The following PITRM1 variants were observed in gnomAD, a reference collection of about 807,000 sequenced individuals.
The protein encoded by PITRM1 is pitrilysin metallopeptidase 1.
In PITRM1, 100 loss-of-function variants were observed where a neutral mutation model predicts 129.9. The observed-to-expected ratio is 0.77, with a 90% CI of 0.65 to 0.91. The LOEUF is 0.91. PITRM1 is among the 40% of genes least tolerant of loss of function. The pLI is 0.00. For missense variants in PITRM1, 1,471 were observed against 1,318.3 expected (o/e 1.12, Z -1.79); for synonymous variants, 591 against 508.8 (o/e 1.16, Z -2.17).
chr10:3,171,808 G>C (rs576561420), intron 1 of PITRM1, among the ~76,000 whole-genome samples: 1 of 152,196 alleles, frequency 6.6e-6, no homozygotes, highest in South Asian at 2.1e-4. Context: ...GAGAGGCTGA[G>C]GAGGGGGATC....
intron 23 of PITRM1, chr10:3,141,387 G>C (rs755122642): frequency 2.0e-5 from 4 of 203,070 alleles, no homozygotes; most frequent in Non-Finnish European, 4.1e-5. Context: ...TTAAAATCTC[G>C]TGAAGTAGAA....
At chr10:3,148,611 A>T (rs987774081) in intron 16 of PITRM1, 1 of 263,950 alleles carries the variant, frequency 3.8e-6, no homozygotes, top group Non-Finnish European at 7.3e-6. Context: ...CTCTTCAATA[A>T]ATGTTTTATG....
rs773350593 is a variant in PITRM1 at position 3,166,980 on chromosome 10, G to A, written c.222C>T (p.Ala74=). 27 of 1,611,578 alleles carry A rather than the reference G, an allele frequency of 1.7e-5. No homozygotes were observed. The highest frequency in any genetic ancestry group is 2.3e-5 in the Non-Finnish European group (27 of 1,178,714). Residue 74 remains alanine (A), a synonymous_variant, in exon 3 of 27, where the codon GCC becomes GCT. Transcript: ENST00000224949. ...AVKLTHDDTG[A]RYLHLAREDT... is the part of the protein sequence containing the mutation. Reference sequence around the variant, plus strand: ...CTTCTCTGGCCAGGTGTAAATACCTGGCTCCTGTGTCATCATGGGTGAGCT... The same window carrying A: ...CTTCTCTGGCCAGGTGTAAATACCTAGCTCCTGTGTCATCATGGGTGAGCT...
chr10:3,149,566 T>C (rs1841285078), intron 16 of PITRM1, 55 bp downstream of exon 16: 1 of 1,482,980 alleles, frequency 6.7e-7, no homozygotes, highest in Admixed American at 2.5e-5. Context: ...AGAATACAGA[T>C]ATGCACACAA....
At position 3,167,055 on chromosome 10, in the gene PITRM1, GA is replaced by G; in HGVS notation, c.160-14del. ...GAACAGATGTCACCTGAGTTAACAA[GA>G]AAAACACGACCAGTTAAACTTAGAC... On this transcript the variant is annotated splice_polypyrimidine_tract_variant and intron_variant, in intron 2 of 26. Coordinates refer to ENST00000224949, the MANE Select transcript of PITRM1 (RefSeq NM_014889.4). The G allele has an allele frequency of 2.0e-6, 3 of 1,513,654 alleles. No homozygotes were observed. The highest frequency in any genetic ancestry group is 2.7e-6 in the Non-Finnish European group (3 of 1,102,740). The allele number at this position is 1,513,654 out of a possible 1,614,324, so 93.8% of individuals were successfully genotyped here. A position where few individuals can be genotyped will look rare whatever the true frequency, so the allele number is the denominator to read the frequency against.
chr10:3,138,410 C>CCTCCGGGACAT, intron 25 of PITRM1, 73 bp from the exon 26 acceptor site: 3 of 966,304 alleles, frequency 3.1e-6, no homozygotes, highest in Non-Finnish European at 5.0e-6. Flanking sequence ...ACTCATGTCC[C>CCTCCGGGACAT]GGAGGGGACA....
intron 2 of PITRM1, chr10:3,168,101 C>G (rs555166442): frequency 6.6e-6 from 1 of 152,282 alleles, no homozygotes; most frequent in African/African-American, 2.4e-5. Flanking sequence ...CTCACCACCC[C>G]CTCCTGCCAG....
Position 3,148,447 on chromosome 10 carries a change from C to T in PITRM1, c.1872-156G>A, listed in dbSNP as rs1211471125. 4 of 892,420 alleles carry T rather than the reference C, an allele frequency of 4.5e-6. No homozygotes were observed. The South Asian group carries it at 5.9e-5, about 13-fold the overall frequency. 55.3% of individuals were successfully genotyped at this position (892,420 alleles called of 1,614,324 possible). On this transcript the variant is annotated intron_variant, in intron 16 of 26. Transcript: ENST00000224949. ...TTCGAAGGTCATAAGCAGGTGCACT[C>T]TGGCCTTCGCCCTCGAGAGTTCATG...
chr10:3,145,584 A>AC lies in PITRM1; in HGVS notation c.2457+11dup, dbSNP rs756703476. 2 of 1,548,788 alleles carry AC rather than the reference A, an allele frequency of 1.3e-6. No individual in the cohort carries two copies. The highest frequency in any genetic ancestry group is 2.4e-5 in the South Asian group (2 of 83,900). ...CAGGCGCTCACCGGGCGCCAGCACC[A>AC]CCAGTGCATACCTCGACCGTGTGTG... On this transcript the variant is annotated intron_variant, in intron 21 of 26. Transcript: ENST00000224949.
At chr10:3,172,290 G>A (rs569486336) in intron 1 of PITRM1, 23 of 481,804 alleles carry the variant, frequency 4.8e-5, no homozygotes, top group East Asian at 1.2e-4. Flanking sequence ...ATTCCGGGAG[G>A]CGTCAGTTCT....
chr10:3,139,121 T>G, intron 24 of PITRM1, 72 bp from the exon 25 acceptor site: 1 of 1,351,096 alleles, frequency 7.4e-7, no homozygotes, highest in South Asian at 1.2e-5. Flanking sequence ...CTCTGTCGAC[T>G]TAACAGTTCA....
intron 14 of PITRM1, among the ~76,000 whole-genome samples, chr10:3,154,821 C>A (rs1841833380): frequency 6.6e-6 from 1 of 152,148 alleles, no homozygotes; most frequent in Admixed American, 6.5e-5. Flanking sequence ...GGCCTCCTCC[C>A]TTCCTTCGTT....
chr10:3,172,548 G>A (rs1843477040), intron 1 of PITRM1, among the ~76,000 whole-genome samples, 169 bp downstream of exon 1: 1 of 152,148 alleles, frequency 6.6e-6, no homozygotes, highest in African/African-American at 2.4e-5. Flanking sequence ...TCCGGCCTCG[G>A]AGCCTCGGAT....
chr10:3,150,130 C>A (rs1429328796), intron 15 of PITRM1, among the ~76,000 whole-genome samples: 3 of 152,060 alleles, frequency 2.0e-5, no homozygotes, highest in Non-Finnish European at 2.9e-5. Context: ...GCCCTGCCAC[C>A]CTCTGGCCCC....
intron 2 of PITRM1, among the ~76,000 whole-genome samples, chr10:3,167,281 G>A (rs1320078345): frequency 1.3e-5 from 1 of 74,118 alleles, no homozygotes; most frequent in Non-Finnish European, 2.9e-5. Flanking sequence ...TAGAAAGAGA[G>A]AGAGAGCGAG....
chr10:3,137,975 A>G lies in PITRM1; in HGVS notation c.*56T>C. ...AGCAGTAGCATTTCTGACTTTTCATATTCAGCTCGGAGGTGTATTGTCTCG... is the reference window on the plus strand; with the variant it reads ...AGCAGTAGCATTTCTGACTTTTCATGTTCAGCTCGGAGGTGTATTGTCTCG... On this transcript the variant is annotated 3_prime_UTR_variant, in exon 27 of 27. Coordinates refer to ENST00000224949, the MANE Select transcript of PITRM1 (RefSeq NM_014889.4). The G allele has an allele frequency of 2.0e-6, 2 of 996,190 alleles. No homozygotes were observed. The highest frequency in any genetic ancestry group is 3.1e-6 in the Non-Finnish European group (2 of 650,934). The allele number at this position is 996,190 out of a possible 1,614,324, so 61.7% of individuals were successfully genotyped here.
At chr10:3,157,185 T>G (rs973345364) in intron 12 of PITRM1, 121 bp from the exon 13 acceptor site, 4 of 963,560 alleles carry the variant, frequency 4.2e-6, no homozygotes, top group Non-Finnish European at 5.9e-6. Flanking sequence ...GATGATTGTT[T>G]ATAACAAAAG....
chr10:3,150,382 C>T (rs1249313627), intron 15 of PITRM1, among the ~76,000 whole-genome samples: 2 of 152,154 alleles, frequency 1.3e-5, no homozygotes, highest in Non-Finnish European at 2.9e-5. Context: ...ATGTCAGCCT[C>T]GAGTTCCACT....
At chr10:3,145,796 A>T (rs955534544) in intron 20 of PITRM1, 80 bp from the exon 21 acceptor site, 54 of 1,123,422 alleles carry the variant, frequency 4.8e-5, no homozygotes, top group Non-Finnish European at 7.0e-5. Flanking sequence ...GTATAACTCA[A>T]TAATGTTGTT....
Sources: gnomAD v4.1 joint callset for allele counts (sites outside exome capture counted in the v4.1 genomes callset) on GRCh38, gnomAD v4.1.1 for gene constraint, MANE v1.5 for transcripts, NCBI Gene and HGNC (gene_info 2026-07-23, HGNC 2026-07-21) for gene names.